DMD: variants seen among roughly 807,000 people sequenced by gnomAD.
DMD encodes the protein dystrophin, also known as mutant dystrophin.
In DMD, 63 loss-of-function variants were observed where a neutral mutation model predicts 330.1. The observed-to-expected ratio is 0.19, with a 90% CI of 0.16 to 0.24. The LOEUF is 0.24. Among genes scored for constraint, DMD ranks in the 10% least tolerant of loss-of-function variants. The pLI, the probability that DMD is intolerant of heterozygous loss-of-function variation, is 1.00. For missense variants in DMD, 3,344 were observed against 2,684.1 expected (o/e 1.25, Z -5.43); for synonymous variants, 1,223 against 959.8 (o/e 1.27, Z -5.07).
At chrX:33,097,396 G>T (rs990440538) in intron 1 of DMD, among the ~76,000 whole-genome samples, 3 of 110,228 alleles carry the variant, frequency 2.7e-5, no homozygotes, top group Admixed American at 9.8e-5. Flanking sequence ...TATGCTCTGG[G>T]TTTACCATCT....
At chrX:31,178,322 T>G in intron 70 of DMD, 1 of 980,927 alleles carries the variant, frequency 1.0e-6, no homozygotes. Flanking sequence ...ACACATTTAC[T>G]GATTTGTGAG....
intron 1 of DMD, among the ~76,000 whole-genome samples, chrX:33,190,876 TATAATATATA>T (rs2050517612): frequency 8.5e-4 from 1 of 1,170 alleles, no homozygotes; most frequent in East Asian, 0.17. Context: ...TATATATATA[TATAATATATA>T]ATATTATATA....
chrX:31,151,086 T>G (rs1489801207), intron 74 of DMD, among the ~76,000 whole-genome samples: 1 of 111,843 alleles, frequency 8.9e-6, no homozygotes, highest in Admixed American at 9.5e-5. Flanking sequence ...TCGAAGTAAG[T>G]ACACCTTCAG....
At chrX:33,041,230 T>C (rs961681761) in intron 1 of DMD, among the ~76,000 whole-genome samples, 2 of 113,361 alleles carry the variant, frequency 1.8e-5, no homozygotes, top group African/African-American at 6.4e-5. Flanking sequence ...AATCCTTTGA[T>C]GGAAGGTATG....
intron 18 of DMD, among the ~76,000 whole-genome samples, chrX:32,510,124 C>T (rs987703355): frequency 2.8e-4 from 31 of 111,972 alleles, no homozygotes; most frequent in Non-Finnish European, 5.6e-5. Context: ...CAGCTCAACT[C>T]GCTGACAGCT....
chrX:31,746,648 C>A (rs2087865274), intron 51 of DMD, among the ~76,000 whole-genome samples: 1 of 110,894 alleles, frequency 9.0e-6, no homozygotes, highest in Admixed American at 9.7e-5. Context: ...TCTGATTTTG[C>A]CAAATTCTGA....
intron 1 of DMD, among the ~76,000 whole-genome samples, chrX:33,045,079 T>C (rs1318549903): frequency 1.8e-5 from 2 of 110,832 alleles, no homozygotes; most frequent in Non-Finnish European, 3.8e-5. Context: ...AAAGTCCTTT[T>C]TTTACAAGGG....
Position 32,485,122 on chromosome X carries a change from T to A in DMD, c.2623-23A>T, listed in dbSNP as rs1194274457. ...ATCCTGTGCCATAGAGTATGGAAAGTAAGTAACACGTTTACTTTGCATACA... is the reference window on the plus strand; with the variant it reads ...ATCCTGTGCCATAGAGTATGGAAAGAAAGTAACACGTTTACTTTGCATACA... On this transcript the variant is annotated intron_variant, in intron 20 of 78. Coordinates refer to ENST00000357033, the MANE Select transcript of DMD (RefSeq NM_004006.3). 4.2e-6 allele frequency: 5 copies of A among 1,194,317 alleles called. No individual in the cohort carries two copies. The South Asian group carries it at 7.1e-5, about 17-fold the overall frequency.
At chrX:32,179,100 C>A (rs1236949805) in intron 44 of DMD, among the ~76,000 whole-genome samples, 2 of 109,805 alleles carry the variant, frequency 1.8e-5, no homozygotes, top group Non-Finnish European at 3.8e-5. Context: ...GTTTTGGACA[C>A]TAGCCATAAA....
At chrX:31,564,159 C>A (rs766478198) in intron 55 of DMD, among the ~76,000 whole-genome samples, 11 of 111,328 alleles carry the variant, frequency 9.9e-5, no homozygotes, top group Admixed American at 2.9e-4. Context: ...CAGAAGGAAC[C>A]AACCCTCCTG....
intron 47 of DMD, among the ~76,000 whole-genome samples, chrX:31,882,592 G>C (rs1023083536): frequency 8.9e-6 from 1 of 111,957 alleles, no homozygotes; most frequent in South Asian, 3.7e-4. Flanking sequence ...ATAAAGCAAA[G>C]TTTAGGTTGG....
Position 32,930,273 on chromosome X carries a change from C to T in DMD, c.94-80453G>A, listed in dbSNP as rs755148623. Among the ~76,000 whole-genome samples the T allele has an allele frequency of 6.3e-5, 7 of 110,922 alleles. No individual in the cohort carries two copies. The East Asian group carries it at 8.5e-4, about 13-fold the overall frequency. On this transcript the variant is annotated intron_variant, in intron 2 of 78. Transcript: ENST00000357033. ...GTTTCCACAGCATGAGTATCACTTT[C>T]GCACCATCCTAAAGTCGAAAAATTG...
At chrX:32,890,129 A>G (rs2085056698) in intron 2 of DMD, among the ~76,000 whole-genome samples, 1 of 111,423 alleles carries the variant, frequency 9.0e-6, no homozygotes, top group African/African-American at 3.3e-5. Flanking sequence ...CCGGTAATAA[A>G]TCAGACAACA....
At chrX:32,255,307 G>A (rs1263250768) in intron 43 of DMD, among the ~76,000 whole-genome samples, 4 of 111,066 alleles carry the variant, frequency 3.6e-5, no homozygotes, top group Admixed American at 9.6e-5. Flanking sequence ...ACCCAGAAGT[G>A]GAATTATTGG....
chrX:31,963,652 A>G (rs2095326212), intron 45 of DMD, among the ~76,000 whole-genome samples: 1 of 111,066 alleles, frequency 9.0e-6, no homozygotes, highest in South Asian at 3.8e-4. Context: ...TAAATCTGGG[A>G]TAGGCAAAGT....
intron 63 of DMD, among the ~76,000 whole-genome samples, chrX:31,223,626 T>C (rs2046315487): frequency 9.0e-6 from 1 of 111,702 alleles, no homozygotes; most frequent in Non-Finnish European, 1.9e-5. Flanking sequence ...AAATAAATCA[T>C]CCACAAGCCC....
intron 62 of DMD, among the ~76,000 whole-genome samples, chrX:31,298,430 CAT>C (rs1491427772): frequency 7.3e-5 from 8 of 109,833 alleles, no homozygotes; most frequent in Admixed American, 2.9e-4. Flanking sequence ...CACACACACA[CAT>C]ACACACACAC....
chrX:32,314,046 A>G (rs2097574122), intron 41 of DMD, among the ~76,000 whole-genome samples: 1 of 111,916 alleles, frequency 8.9e-6, no homozygotes, highest in Admixed American at 9.5e-5. Context: ...AGAACAAACT[A>G]CTTTACATTT....
At chrX:33,129,525 A>AAAC (rs1491459778) in intron 1 of DMD, among the ~76,000 whole-genome samples, 2 of 7,664 alleles carry the variant, frequency 2.6e-4, no homozygotes, top group African/African-American at 4.3e-4. Context: ...GGTTTCAAAC[A>AAAC]AAAAAAAAAA....
Sources: gnomAD v4.1 joint callset for allele counts (sites outside exome capture counted in the v4.1 genomes callset) on GRCh38, gnomAD v4.1.1 for gene constraint, MANE v1.5 for transcripts, NCBI Gene and HGNC (gene_info 2026-07-23, HGNC 2026-07-21) for gene names.